SLC4A4: variants seen among roughly 807,000 people sequenced by gnomAD.
The protein encoded by SLC4A4 is electrogenic sodium bicarbonate cotransporter 1.
Under a neutral mutation model 111.5 loss-of-function variants are expected in SLC4A4, and 27 were observed. The ratio of observed to expected loss-of-function variants is 0.24; its 90% CI spans 0.18 to 0.33. SLC4A4 has a LOEUF of 0.33. Among genes scored for constraint, SLC4A4 ranks in the 10% least tolerant of loss-of-function variants. SLC4A4 has a pLI of 1.00. For missense variants in SLC4A4, 909 were observed against 1,315.5 expected, an observed-to-expected ratio of 0.69 and a Z score of 4.78; for synonymous variants, 443 against 463.4, an observed-to-expected ratio of 0.96 and a Z score of 0.57.
intron 2 of SLC4A4, among the ~76,000 whole-genome samples, chr4:71,147,994 C>T (rs1419884899): frequency 6.6e-6 from 1 of 152,114 alleles, no homozygotes; most frequent in Admixed American, 6.6e-5. Context: ...CCATGTCCTT[C>T]CTTGCCCTCC....
chr4:71,101,950 G>T (rs1742752521), intron 2 of SLC4A4, among the ~76,000 whole-genome samples: 1 of 151,796 alleles, frequency 6.6e-6, no homozygotes, highest in Non-Finnish European at 1.5e-5. Flanking sequence ...AGAGAAGAAG[G>T]CTTCAGACGA....
At chr4:71,403,928 A>G (rs1047139873) in intron 7 of SLC4A4, among the ~76,000 whole-genome samples, 5 of 152,180 alleles carry the variant, frequency 3.3e-5, no homozygotes, top group Admixed American at 1.3e-4. Context: ...TCACAGACCC[A>G]TAAGAGCCCA....
rs1744581950 is a variant in SLC4A4 at position 71,160,200 on chromosome 4, TC to T, written c.-2+67409del. ...TGTGCCAGGATTAAAACCCATGTAG[TC>T]TGATTCTATAGTTACTAATCTTACT... On this transcript the variant is annotated intron_variant, in intron 2 of 26. Transcript: ENST00000649996. 2.8e-5 allele frequency among the ~76,000 whole-genome samples: 4 copies of T among 145,358 alleles called. No homozygotes were observed. The East Asian group carries it at 5.9e-4, about 21-fold the overall frequency.
chr4:71,496,149 T>G (rs1338780477), intron 15 of SLC4A4, among the ~76,000 whole-genome samples: 1 of 152,142 alleles, frequency 6.6e-6, no homozygotes, highest in East Asian at 1.9e-4. Flanking sequence ...CTTTCAGGAC[T>G]ATTGAATACT....
intron 3 of SLC4A4, among the ~76,000 whole-genome samples, chr4:71,331,355 G>C (rs981909798): frequency 1.3e-5 from 2 of 152,162 alleles, no homozygotes; most frequent in Non-Finnish European, 2.9e-5. Context: ...TGATAGACTG[G>C]ATTAAGAAAA....
At chr4:71,473,397 G>C (rs1271461664) in intron 14 of SLC4A4, 2 of 340,076 alleles carry the variant, frequency 5.9e-6, no homozygotes, top group Non-Finnish European at 1.1e-5. Flanking sequence ...TAAACTTATA[G>C]AAGAAAAAGA....
At chr4:71,171,857 C>T (rs552647709) in intron 2 of SLC4A4, among the ~76,000 whole-genome samples, 1 of 152,216 alleles carries the variant, frequency 6.6e-6, no homozygotes, top group Admixed American at 6.5e-5. Context: ...CCAGGATAGG[C>T]AAAGTGTTAA....
chr4:71,130,262 C>T (rs932713734), intron 2 of SLC4A4, among the ~76,000 whole-genome samples: 2 of 151,852 alleles, frequency 1.3e-5, no homozygotes, highest in East Asian at 1.9e-4. Flanking sequence ...TGAGATCTTG[C>T]GCTATTGCTT....
chr4:71,086,873 T>G (rs936048409), intron 1 of SLC4A4, among the ~76,000 whole-genome samples: 9 of 151,996 alleles, frequency 5.9e-5, no homozygotes, highest in African/African-American at 2.2e-4. Flanking sequence ...TCTCTTTTTT[T>G]GTTGTGTCTC....
intron 2 of SLC4A4, among the ~76,000 whole-genome samples, chr4:71,148,885 A>G (rs1744248235): frequency 6.6e-6 from 1 of 152,086 alleles, no homozygotes; most frequent in Non-Finnish European, 1.5e-5. Flanking sequence ...AGAGTGATTT[A>G]TCTTTCTCTG....
At chr4:71,443,030 A>G (rs1724869277) in intron 8 of SLC4A4, among the ~76,000 whole-genome samples, 1 of 142,918 alleles carries the variant, frequency 7.0e-6, no homozygotes, top group African/African-American at 2.7e-5. Flanking sequence ...TTTTCCTAGT[A>G]TCTTACAGGC....
chr4:71,245,447 C>G (rs1250113836), intron 2 of SLC4A4, among the ~76,000 whole-genome samples: 3 of 151,648 alleles, frequency 2.0e-5, no homozygotes, highest in African/African-American at 4.8e-5. Flanking sequence ...AGAGTGGGGA[C>G]AAAAAAGATG....
In SLC4A4 at chr4:71,081,138, G is replaced by C. The variant is rs139213132; in HGVS notation, c.-64-11592G>C. 2.4e-3 allele frequency among the ~76,000 whole-genome samples: 358 copies of C among 152,176 alleles called. 13 individuals carry two copies. The highest frequency in any genetic ancestry group is 8.4e-3 in the African/African-American group (347 of 41,452). Reference sequence around the variant, plus strand: ...ACATGCCATTTTTTCACAGCAGCAAGTTACTGTGACTTGAACATCTCTGCC... The same window carrying C: ...ACATGCCATTTTTTCACAGCAGCAACTTACTGTGACTTGAACATCTCTGCC... On this transcript the variant is annotated intron_variant, in intron 1 of 26. Transcript: ENST00000649996.
chr4:71,474,370 C>T (rs1728161363), intron 14 of SLC4A4, among the ~76,000 whole-genome samples: 1 of 151,876 alleles, frequency 6.6e-6, no homozygotes, highest in South Asian at 2.1e-4. Context: ...GGAAAAAGCT[C>T]TTAATGTTTA....
At chr4:71,536,801 G>T (rs114237633) in intron 18 of SLC4A4, among the ~76,000 whole-genome samples, 3,238 of 151,552 alleles carry the variant, frequency 0.021, 137 homozygotes, top group African/African-American at 0.074. Flanking sequence ...GCCCATTTAA[G>T]CATATTCTTC....
At chr4:71,485,267 G>T (rs1287606797) in intron 14 of SLC4A4, among the ~76,000 whole-genome samples, 1 of 151,650 alleles carries the variant, frequency 6.6e-6, no homozygotes, top group Non-Finnish European at 1.5e-5. Context: ...TTGGCTGTGG[G>T]TTTGTCATAT....
At chr4:71,331,537 C>A (rs1386632079) in intron 3 of SLC4A4, among the ~76,000 whole-genome samples, 1 of 149,368 alleles carries the variant, frequency 6.7e-6, no homozygotes, top group Non-Finnish European at 1.5e-5. Context: ...ACAATGAGAA[C>A]CCTTGGACAC....
intron 2 of SLC4A4, among the ~76,000 whole-genome samples, chr4:71,160,257 C>A (rs16845933): frequency 0.19 from 29,014 of 151,926 alleles, 3,370 homozygotes; most frequent in South Asian, 0.34. Context: ...TCCTGGTTGA[C>A]AATCTCTGTT....
At chr4:71,108,638 T>C (rs1044502704) in intron 2 of SLC4A4, among the ~76,000 whole-genome samples, 6 of 152,220 alleles carry the variant, frequency 3.9e-5, no homozygotes. Flanking sequence ...TTTAACCTAG[T>C]TGGAGTTTGT....
Sources: gnomAD v4.1 joint callset for allele counts (sites outside exome capture counted in the v4.1 genomes callset) on GRCh38, gnomAD v4.1.1 for gene constraint, MANE v1.5 for transcripts, NCBI Gene and HGNC (gene_info 2026-07-23, HGNC 2026-07-21) for gene names.